PPARGC1A: variants seen among roughly 807,000 people sequenced by gnomAD.
PPARGC1A encodes the protein PPARG coactivator 1 alpha, also known as peroxisome proliferator-activated receptor gamma coactivator 1-alpha.
A neutral mutation model predicts 88.7 loss-of-function variants in PPARGC1A; 25 were observed. That is an observed-to-expected ratio of 0.28 (90% CI 0.21 to 0.39). The LOEUF (loss-of-function observed/expected upper bound fraction) is 0.39. Ranked by LOEUF, PPARGC1A falls within the 10% of genes least tolerant of loss-of-function variation. The pLI, the probability that PPARGC1A is intolerant of heterozygous loss-of-function variation, is 1.00. For synonymous variants in PPARGC1A, 363 were observed against 355.6 expected, an observed-to-expected ratio of 1.02 and a Z score of -0.24; for missense variants, 880 against 968.7, an observed-to-expected ratio of 0.91 and a Z score of 1.22.
chr4:23,796,918 A>G (rs1352302984), intron 12 of PPARGC1A, among the ~76,000 whole-genome samples: 1 of 152,058 alleles, frequency 6.6e-6, no homozygotes, highest in Non-Finnish European at 1.5e-5. Flanking sequence ...GGTCAAAGTA[A>G]TAGAAGGATA....
the PPARGC1A span, among the ~76,000 whole-genome samples, chr4:23,954,935 C>T: frequency 6.6e-6 from 1 of 152,032 alleles, no homozygotes; most frequent in Non-Finnish European, 1.5e-5. Flanking sequence ...TGCTGTCTTG[C>T]TCTTTTCACT....
chr4:23,807,935 C>T (rs1478550905), intron 10 of PPARGC1A, among the ~76,000 whole-genome samples: 2 of 152,156 alleles, frequency 1.3e-5, no homozygotes, highest in African/African-American at 4.8e-5. Flanking sequence ...CTCACCCACA[C>T]AAAATATCTC....
At chr4:24,090,922 T>C in the PPARGC1A span, among the ~76,000 whole-genome samples, 2 of 152,230 alleles carry the variant, frequency 1.3e-5, no homozygotes, top group Non-Finnish European at 2.9e-5. Context: ...AAACTGCTTC[T>C]ACACCAAAAT....
At chr4:24,000,214 G>A in the PPARGC1A span, among the ~76,000 whole-genome samples, 2 of 151,978 alleles carry the variant, frequency 1.3e-5, no homozygotes, top group Non-Finnish European at 2.9e-5. Context: ...GGCTGTCACC[G>A]TTTCATCCTA....
chr4:24,010,288 A>G, the PPARGC1A span, among the ~76,000 whole-genome samples: 118 of 152,322 alleles, frequency 7.7e-4, 1 homozygote, highest in African/African-American at 2.5e-3. Context: ...TACCTAGAAC[A>G]CAATAGACCG....
the PPARGC1A span, among the ~76,000 whole-genome samples, chr4:24,309,012 AAAG>A: frequency 2.6e-5 from 4 of 152,208 alleles, no homozygotes; most frequent in East Asian, 7.7e-4. Context: ...TTCATACATT[AAAG>A]AAGGAAATAA....
chr4:24,279,669 C>G, the PPARGC1A span, among the ~76,000 whole-genome samples: 4 of 152,114 alleles, frequency 2.6e-5, no homozygotes, highest in African/African-American at 9.7e-5. Context: ...GACAAAGCTC[C>G]ACTGACACAC....
At chr4:23,924,932 C>A in the PPARGC1A span, among the ~76,000 whole-genome samples, 1 of 152,158 alleles carries the variant, frequency 6.6e-6, no homozygotes, top group Admixed American at 6.5e-5. Context: ...GTGATGGATT[C>A]ATGGTGCATA....
intron 1 of PPARGC1A, among the ~76,000 whole-genome samples, chr4:23,895,653 ATT>A (rs1718467510): frequency 6.6e-6 from 1 of 152,074 alleles, no homozygotes; most frequent in African/African-American, 2.4e-5. Context: ...TGACCTCTAC[ATT>A]TAGCAGCTCA....
At chr4:23,896,424 C>A (rs1232546932) in intron 1 of PPARGC1A, among the ~76,000 whole-genome samples, 1 of 152,084 alleles carries the variant, frequency 6.6e-6, no homozygotes, top group Non-Finnish European at 1.5e-5. Flanking sequence ...AAATATGCAT[C>A]ATATATTTAA....
At chr4:23,868,083 T>C (rs1346991718) in intron 2 of PPARGC1A, among the ~76,000 whole-genome samples, 1 of 152,090 alleles carries the variant, frequency 6.6e-6, no homozygotes, top group Non-Finnish European at 1.5e-5. Flanking sequence ...GGAACCCCGG[T>C]AAGGTACCTG....
chr4:23,936,042 C>T, the PPARGC1A span, among the ~76,000 whole-genome samples: 1 of 152,022 alleles, frequency 6.6e-6, no homozygotes. Context: ...ATTGATATTA[C>T]TGCATATGAA....
chr4:24,327,341 G>T, the PPARGC1A span, among the ~76,000 whole-genome samples: 1 of 152,116 alleles, frequency 6.6e-6, no homozygotes. Context: ...CCCTGCTCTT[G>T]TTTACACTGT....
chr4:24,102,714 T>C, the PPARGC1A span, among the ~76,000 whole-genome samples: 3 of 152,198 alleles, frequency 2.0e-5, no homozygotes, highest in African/African-American at 7.2e-5. Context: ...ATACTTCCAG[T>C]TGAGGTTCCA....
chr4:24,367,848 T>C, the PPARGC1A span, among the ~76,000 whole-genome samples: 5 of 152,174 alleles, frequency 3.3e-5, no homozygotes, highest in Admixed American at 3.3e-4. Flanking sequence ...AAGACAGTGT[T>C]ACCAGAAATT....
chr4:23,970,924 T>G, the PPARGC1A span, among the ~76,000 whole-genome samples: 1 of 152,328 alleles, frequency 6.6e-6, no homozygotes, highest in South Asian at 2.1e-4. Context: ...CTTCTGATGA[T>G]GCACACAGGC....
At chr4:24,343,600 T>A in the PPARGC1A span, among the ~76,000 whole-genome samples, 1 of 152,346 alleles carries the variant, frequency 6.6e-6, no homozygotes, top group African/African-American at 2.4e-5. Context: ...GTCTATGATA[T>A]TTTGTTATAG....
chr4:24,373,560 T>G, the PPARGC1A span, among the ~76,000 whole-genome samples: 1 of 152,148 alleles, frequency 6.6e-6, no homozygotes, highest in Non-Finnish European at 1.5e-5. Flanking sequence ...CTATAATGAA[T>G]AAAAATGTCT....
At chr4:23,967,298 C>A in the PPARGC1A span, among the ~76,000 whole-genome samples, 3 of 152,134 alleles carry the variant, frequency 2.0e-5, no homozygotes, top group Admixed American at 1.3e-4. Context: ...CGCCACCATG[C>A]GCCGATTATT....
Sources: allele counts gnomAD v4.1 joint callset (sites outside exome capture counted in the v4.1 genomes callset), GRCh38; gene constraint gnomAD v4.1.1; transcripts MANE v1.5; gene names NCBI Gene and HGNC (gene_info 2026-07-23, HGNC 2026-07-21).